The following GLB1L2 variants were observed in gnomAD, a reference collection of about 807,000 sequenced individuals.
The protein encoded by GLB1L2 is beta-galactosidase-1-like protein 2.
In GLB1L2, 68 loss-of-function variants were observed where a neutral mutation model predicts 84.1. The observed-to-expected ratio is 0.81, with a 90% CI of 0.67 to 0.99. GLB1L2 has a LOEUF of 0.99. GLB1L2 is among the 50% of genes least tolerant of loss of function. GLB1L2 has a pLI of 0.00. For missense variants in GLB1L2, 762 were observed against 805.6 expected (o/e 0.95, Z 0.66); for synonymous variants, 290 against 318.0 (o/e 0.91, Z 0.94).
intron 1 of GLB1L2, among the ~76,000 whole-genome samples, chr11:134,340,981 G>C (rs1156405690): frequency 3.3e-5 from 5 of 152,196 alleles, no homozygotes; most frequent in African/African-American, 1.2e-4. Flanking sequence ...TGGTCTAATA[G>C]GATCTCAGTG....
chr11:134,364,527 C>T, intron 8 of GLB1L2, 129 bp downstream of exon 8: 1 of 725,234 alleles, frequency 1.4e-6, no homozygotes, highest in Non-Finnish European at 2.3e-6. Flanking sequence ...CTCTGGCCCC[C>T]CGCCCATGCC....
chr11:134,351,415 A>C (rs1339359861), intron 5 of GLB1L2, among the ~76,000 whole-genome samples: 2 of 142,284 alleles, frequency 1.4e-5, no homozygotes, highest in Non-Finnish European at 3.0e-5. Context: ...GCGCTATCTC[A>C]GCTCACTGCA....
At chr11:134,352,445 C>G (rs1943646590) in intron 5 of GLB1L2, among the ~76,000 whole-genome samples, 1 of 151,964 alleles carries the variant, frequency 6.6e-6, no homozygotes, top group African/African-American at 2.4e-5. Context: ...TTGTCTATCT[C>G]TGCTCTAATC....
At chr11:134,350,984 A>G (rs556544409) in intron 5 of GLB1L2, among the ~76,000 whole-genome samples, 1 of 152,362 alleles carries the variant, frequency 6.6e-6, no homozygotes, top group African/African-American at 2.4e-5. Flanking sequence ...CTGTGAACAG[A>G]GATAACTTCT....
At chr11:134,358,127 G>A (rs1450896187) in intron 6 of GLB1L2, among the ~76,000 whole-genome samples, 7 of 152,170 alleles carry the variant, frequency 4.6e-5, no homozygotes, top group Non-Finnish European at 1.0e-4. Flanking sequence ...AGATGATCTC[G>A]CTGTCTATCC....
chr11:134,344,432 C>G lies in GLB1L2; in HGVS notation c.330C>G (p.Asp110Glu), dbSNP rs1286638438. ...NLHEPERGKF[D>E]FSGNLDLEAF... ...ATGAGCCAGAAAGAGGCAAATTTGA[C>G]TTCTCTGGGAACCTGGACCTGGAGT... The change falls in exon 3 of 19, where the codon GAC (aspartate) becomes GAG (glutamate). Residue 110 changes from aspartate to glutamate, a missense_variant. Transcript: ENST00000535456. 3.7e-6 allele frequency: 6 copies of G among 1,612,924 alleles called. No homozygotes were observed. The Admixed American group carries it at 1.0e-4, about 27-fold the overall frequency.
Position 134,370,473 on chromosome 11 carries a change from G to A in GLB1L2, c.1215+74G>A. The A allele has an allele frequency of 8.3e-7, 1 of 1,210,944 alleles. No individual in the cohort carries two copies. The highest frequency in any genetic ancestry group is 1.2e-6 in the Non-Finnish European group (1 of 824,268). 75.0% of individuals were successfully genotyped at this position (1,210,944 alleles called of 1,614,324 possible). A position where few individuals can be genotyped will look rare whatever the true frequency, so the allele number is the denominator to read the frequency against. ...TCGTTGGCAGGGAGGTGAGTGCTGG[G>A]GGCAGTCGTCGGCGGGAGGTGAGAG... is the stretch of plus-strand genomic sequence containing the variant. On this transcript the variant is annotated intron_variant, in intron 12 of 18. Transcript: ENST00000535456. The surrounding 1 kb of genome is among the most constrained non-coding windows in gnomAD (Gnocchi z 4.7).
chr11:134,347,094 G>T, intron 4 of GLB1L2: 5 of 501,890 alleles, frequency 1.0e-5, no homozygotes, highest in Middle Eastern at 1.1e-3. Context: ...AGCTGGAAAT[G>T]AACTTCCACC....
At chr11:134,357,837 G>T (rs1165287132) in intron 6 of GLB1L2, among the ~76,000 whole-genome samples, 1 of 152,274 alleles carries the variant, frequency 6.6e-6, no homozygotes, top group Non-Finnish European at 1.5e-5. Flanking sequence ...TAGCTCTGCA[G>T]ATCTCTGGTG....
intron 7 of GLB1L2, chr11:134,361,507 GTGCC>G (rs1943789628): frequency 6.6e-6 from 1 of 152,324 alleles, no homozygotes; most frequent in South Asian, 2.1e-4. Flanking sequence ...AATTCTCAGG[GTGCC>G]AGCCGGCTCT....
intron 8 of GLB1L2, chr11:134,367,041 C>A: frequency 1.7e-6 from 1 of 597,458 alleles, no homozygotes. Context: ...GCTTTATCTG[C>A]TCTATACCTG....
chr11:134,352,539 G>A (rs1943647508), intron 5 of GLB1L2, among the ~76,000 whole-genome samples: 1 of 151,810 alleles, frequency 6.6e-6, no homozygotes, highest in East Asian at 1.9e-4. Flanking sequence ...TTGTTGGTTT[G>A]AGACCTTTTG....
Position 134,364,425 on chromosome 11 carries a change from G to C in GLB1L2, c.804+27G>C, listed in dbSNP as rs551570910. 5.1e-4 allele frequency: 805 copies of C among 1,574,112 alleles called. 4 individuals carry two copies. In the African/African-American group the frequency reaches 6.9e-3, roughly 13 times the overall value. On this transcript the variant is annotated intron_variant, in intron 8 of 18. Transcript: ENST00000535456. ...TAAGTCCAGCCCCAGGGAAGCTGCG[G>C]CCCGCCCTGCTCAGCGGCCTATGGG...
intron 16 of GLB1L2, 114 bp downstream of exon 16, chr11:134,373,922 A>G: frequency 1.2e-6 from 1 of 840,578 alleles, no homozygotes; most frequent in Middle Eastern, 3.1e-4. Context: ...GAACGCCTCC[A>G]GGGGCCAGAT....
chr11:134,344,005 C>A (rs903436136), intron 2 of GLB1L2, among the ~76,000 whole-genome samples: 1 of 152,206 alleles, frequency 6.6e-6, no homozygotes, highest in African/African-American at 2.4e-5. Context: ...CATTCTGTTG[C>A]CCGTTTTGGA....
intron 1 of GLB1L2, among the ~76,000 whole-genome samples, chr11:134,342,068 T>G (rs932919934): frequency 2.6e-5 from 4 of 151,860 alleles, no homozygotes; most frequent in Non-Finnish European, 4.4e-5. Context: ...CGCACGGCTT[T>G]CGGGAGACAG....
chr11:134,347,034 T>A (rs1943560904), intron 4 of GLB1L2: 2 of 378,814 alleles, frequency 5.3e-6, no homozygotes, highest in Non-Finnish European at 9.9e-6. Flanking sequence ...AGGCCTGGAG[T>A]CCTGTGAAAA....
In GLB1L2 at chr11:134,339,716, A is replaced by G. The variant is rs1943436169; in HGVS notation, c.87-3038A>G. Among the ~76,000 whole-genome samples, 1 of 152,014 alleles carries G rather than the reference A, an allele frequency of 6.6e-6. No homozygotes were observed. Among genetic ancestry groups the G allele is most frequent in the Non-Finnish European group, 1.5e-5 (1 of 68,006 alleles). On this transcript the variant is annotated intron_variant, in intron 1 of 18. Transcript: ENST00000535456. The surrounding 1 kb of genome is among the most constrained non-coding windows in gnomAD (Gnocchi z 5.7). Reference sequence around the variant, plus strand: ...AGTCTACGTAGTGTCCAAGGAGAAGACGCAGATTGGGCTTCTCGAGCTGTA... The same window carrying G: ...AGTCTACGTAGTGTCCAAGGAGAAGGCGCAGATTGGGCTTCTCGAGCTGTA...
At position 134,342,661 on chromosome 11, in the gene GLB1L2, A is replaced by C. The variant is rs1943484251; in HGVS notation, c.87-93A>C. ...AGCCACCTGGACGCAGGCGCCCTCG[A>C]GAGAGAAATGCCGAGGACCTGCGAA... On this transcript the variant is annotated intron_variant, in intron 1 of 18. Coordinates refer to ENST00000535456, the MANE Select transcript of GLB1L2 (RefSeq NM_001370461.1). The C allele has an allele frequency of 6.2e-6, 8 of 1,283,008 alleles. No homozygotes were observed. The Admixed American group carries it at 1.7e-4, about 28-fold the overall frequency. 79.5% of individuals were successfully genotyped at this position (1,283,008 alleles called of 1,614,324 possible).
Sources: gnomAD v4.1 joint callset for allele counts (sites outside exome capture counted in the v4.1 genomes callset) on GRCh38, gnomAD v4.1.1 for gene constraint, Gnocchi (gnomAD v3.1) non-coding constraint, MANE v1.5 for transcripts, NCBI Gene and HGNC (gene_info 2026-07-23, HGNC 2026-07-21) for gene names.